The following FAM98B variants were observed in gnomAD, a reference collection of about 807,000 sequenced individuals.
The protein encoded by FAM98B is tRNA-splicing ligase complex subunit FAM98B.
Under a neutral mutation model 43.9 loss-of-function variants are expected in FAM98B, and 32 were observed. The observed-to-expected ratio is 0.73, with a 90% CI of 0.55 to 0.98. The LOEUF (loss-of-function observed/expected upper bound fraction) is 0.98. Among genes scored for constraint, FAM98B ranks in the 50% least tolerant of loss-of-function variants. The pLI is 0.00. For synonymous variants in FAM98B, 190 were observed against 174.0 expected, an observed-to-expected ratio of 1.09 and a Z score of -0.72; for missense variants, 514 against 522.9, an observed-to-expected ratio of 0.98 and a Z score of 0.17.
chr15:38,463,284 C>A (rs560743621), intron 1 of FAM98B, among the ~76,000 whole-genome samples: 2 of 152,090 alleles, frequency 1.3e-5, no homozygotes, highest in South Asian at 4.1e-4. Context: ...ATTGCTTGAG[C>A]TCAGGAGACC....
chr15:38,478,744 C>T (rs950982091), intron 6 of FAM98B, among the ~76,000 whole-genome samples: 1 of 151,918 alleles, frequency 6.6e-6, no homozygotes, highest in Non-Finnish European at 1.5e-5. Context: ...CCAGAGTTGC[C>T]CTTCAAACAG....
intron 1 of FAM98B, among the ~76,000 whole-genome samples, chr15:38,460,368 A>G (rs1889928317): frequency 1.4e-5 from 2 of 145,986 alleles, no homozygotes; most frequent in South Asian, 2.3e-4. Flanking sequence ...GTAATTTCTC[A>G]TGTACTGCAA....
At chr15:38,474,358 T>G (rs1890167752) in intron 6 of FAM98B, 60 bp downstream of exon 6, 2 of 1,164,238 alleles carry the variant, frequency 1.7e-6, no homozygotes, top group South Asian at 2.9e-5. Flanking sequence ...TCTTCTGGCT[T>G]GCTTGTCTGT....
chr15:38,462,555 CTG>C (rs940109494), intron 1 of FAM98B, among the ~76,000 whole-genome samples: 4 of 152,068 alleles, frequency 2.6e-5, no homozygotes, highest in African/African-American at 9.7e-5. Context: ...AAAAATTAAA[CTG>C]TAATTTTATT....
At chr15:38,463,639 A>T (rs1889985425) in intron 1 of FAM98B, among the ~76,000 whole-genome samples, 1 of 151,920 alleles carries the variant, frequency 6.6e-6, no homozygotes, top group Non-Finnish European at 1.5e-5. Flanking sequence ...TGCTTTTTTC[A>T]CCATATTTTT....
At chr15:38,454,477 CTG>C (rs1889816498) in intron 1 of FAM98B, among the ~76,000 whole-genome samples, 1 of 152,368 alleles carries the variant, frequency 6.6e-6, no homozygotes, top group East Asian at 1.9e-4. Context: ...CCTCGAAACT[CTG>C]TTGCAGGAAT....
At chr15:38,464,609 A>G (rs963543214) in intron 2 of FAM98B, among the ~76,000 whole-genome samples, 1 of 152,140 alleles carries the variant, frequency 6.6e-6, no homozygotes, top group Admixed American at 6.5e-5. Flanking sequence ...GAATACTTCT[A>G]TTAAAAACTT....
In FAM98B at chr15:38,465,419, CA is replaced by C; in HGVS notation, c.352+17del. 6.4e-7 allele frequency: 1 copy of C among 1,554,454 alleles called. No individual in the cohort carries two copies. Among genetic ancestry groups the C allele is most frequent in the African/African-American group, 1.4e-5 (1 of 72,678 alleles). ...AAACTTCTATGTAAGTTATCTTGAACATTTAAATGCATGTGTTTGACATGGT... is the reference window on the plus strand; with the variant it reads ...AAACTTCTATGTAAGTTATCTTGAACTTTAAATGCATGTGTTTGACATGGT... On this transcript the variant is annotated intron_variant, in intron 3 of 7. Transcript: ENST00000397609.
At chr15:38,474,699 T>C (rs1013946128) in intron 6 of FAM98B, among the ~76,000 whole-genome samples, 3 of 152,132 alleles carry the variant, frequency 2.0e-5, no homozygotes, top group Non-Finnish European at 4.4e-5. Flanking sequence ...GTGTTTCAGT[T>C]GAAGAGGGGG....
In FAM98B at chr15:38,486,857, G is replaced by A. The variant is rs1179283191; in HGVS notation, c.*2198G>A. 1 of 152,078 alleles carries A rather than the reference G, an allele frequency of 6.6e-6. No individual in the cohort carries two copies. Among genetic ancestry groups the A allele is most frequent in the African/African-American group, 2.4e-5 (1 of 41,434 alleles). The allele number at this position is 152,078 out of a possible 1,614,324, so 9.4% of individuals were successfully genotyped here. The stretch of plus-strand genomic sequence containing the variant: ...GAAATTTGGGGCCTTAATGGGAAAG[G>A]CCATAGTGTGAAAATGTTTTATAAA... On this transcript the variant is annotated 3_prime_UTR_variant, in exon 8 of 8. Coordinates refer to ENST00000397609, the MANE Select transcript of FAM98B (RefSeq NM_173611.4).
intron 1 of FAM98B, among the ~76,000 whole-genome samples, chr15:38,460,544 A>G (rs1465520753): frequency 6.6e-6 from 1 of 152,218 alleles, no homozygotes; most frequent in East Asian, 1.9e-4. Flanking sequence ...CTGAATTAGA[A>G]TCTTTATTTT....
At chr15:38,466,681 C>G (rs886273304) in intron 3 of FAM98B, among the ~76,000 whole-genome samples, 1 of 152,018 alleles carries the variant, frequency 6.6e-6, no homozygotes, top group African/African-American at 2.4e-5. Flanking sequence ...CGAAAAAGTT[C>G]TGAAGATGGA....
chr15:38,458,684 G>C (rs1248588819), intron 1 of FAM98B: 1 of 200,128 alleles, frequency 5.0e-6, no homozygotes, highest in Non-Finnish European at 1.0e-5. Flanking sequence ...TGTCCGTCAG[G>C]TGATCCTAAA....
chr15:38,463,215 G>A (rs1889976693), intron 1 of FAM98B, among the ~76,000 whole-genome samples: 1 of 152,104 alleles, frequency 6.6e-6, no homozygotes, highest in African/African-American at 2.4e-5. Flanking sequence ...AAATAAATGA[G>A]GCCAGGCACG....
At chr15:38,481,237 G>T (rs1218837826) in intron 6 of FAM98B, 55 bp from the exon 7 acceptor site, 3 of 1,419,910 alleles carry the variant, frequency 2.1e-6, no homozygotes, top group East Asian at 2.3e-5. Flanking sequence ...GATTGTTTTT[G>T]CTCTTTCATT....
intron 5 of FAM98B, 145 bp from the exon 6 acceptor site, chr15:38,474,037 T>C: frequency 1.7e-6 from 1 of 596,944 alleles, no homozygotes; most frequent in South Asian, 2.1e-5. Flanking sequence ...TTAAATAATT[T>C]ACCATAAAGT....
chr15:38,470,716 A>G lies in FAM98B; in HGVS notation c.531+311A>G, dbSNP rs1014635248. ...GGTTTTAATGTAGTATAAGAAAGAA[A>G]GAAAGAAGTAGAAGTAGAGTTATCC... is the stretch of plus-strand genomic sequence containing the variant. On this transcript the variant is annotated intron_variant, in intron 4 of 7. Transcript: ENST00000397609. 14 of 180,142 alleles carry G rather than the reference A, an allele frequency of 7.8e-5. 1 individual carries two copies. Among genetic ancestry groups the G allele is most frequent in the Admixed American group, 5.0e-4 (8 of 16,034 alleles). 11.2% of individuals were successfully genotyped at this position (180,142 alleles called of 1,614,324 possible). A position where few individuals can be genotyped will look rare whatever the true frequency, so the allele number is the denominator to read the frequency against.
At chr15:38,479,528 T>C (rs1400151404) in intron 6 of FAM98B, among the ~76,000 whole-genome samples, 1 of 152,262 alleles carries the variant, frequency 6.6e-6, no homozygotes, top group Non-Finnish European at 1.5e-5. Context: ...GGCTTTGATT[T>C]AGCATAATGT....
In FAM98B at chr15:38,462,657, A is replaced by C. The variant is rs181546642; in HGVS notation, c.72-1375A>C. On this transcript the variant is annotated intron_variant, in intron 1 of 7. Coordinates refer to ENST00000397609, the MANE Select transcript of FAM98B (RefSeq NM_173611.4). ...ATTAGGAATTTGTAAATGTTATTAA[A>C]ACAAGAATTGTCATTGTAAGAGAAG... Among the ~76,000 whole-genome samples the C allele has an allele frequency of 4.7e-3, 710 of 152,294 alleles. 5 individuals carry two copies. Among genetic ancestry groups the C allele is most frequent in the African/African-American group, 0.016 (684 of 41,576 alleles).
Sources: allele counts gnomAD v4.1 joint callset (sites outside exome capture counted in the v4.1 genomes callset), GRCh38; gene constraint gnomAD v4.1.1; transcripts MANE v1.5; gene names NCBI Gene and HGNC (gene_info 2026-07-23, HGNC 2026-07-21).